The following ZC3H12B variants were observed in gnomAD, a reference collection of about 807,000 sequenced individuals.
The protein encoded by ZC3H12B is zinc finger CCCH-type containing 12B, also known as probable ribonuclease ZC3H12B.
In ZC3H12B, 7 loss-of-function variants were observed where a neutral mutation model predicts 43.9. The ratio of observed to expected loss-of-function variants is 0.16; its 90% confidence interval spans 0.09 to 0.30. The LOEUF is 0.30. ZC3H12B is among the 10% of genes least tolerant of loss of function. The pLI, the probability that ZC3H12B is intolerant of heterozygous loss-of-function variation, is 1.00. For synonymous variants in ZC3H12B, 222 were observed against 241.7 expected (o/e 0.92, Z 0.76); for missense variants, 475 against 670.2 (o/e 0.71, Z 3.22).
At chrX:65,090,736 T>TA in the ZC3H12B span, among the ~76,000 whole-genome samples, 2 of 111,518 alleles carry the variant, frequency 1.8e-5, no homozygotes, top group South Asian at 7.6e-4. Flanking sequence ...TGGGCCCTGT[T>TA]ACAATTTGGA....
intron 4 of ZC3H12B, among the ~76,000 whole-genome samples, chrX:65,500,258 A>G (rs2068346135): frequency 8.9e-6 from 1 of 112,644 alleles, no homozygotes; most frequent in Admixed American, 9.3e-5. Context: ...GTCCTGAACT[A>G]TGTTGCTGGA....
the ZC3H12B span, among the ~76,000 whole-genome samples, chrX:65,251,259 G>T: frequency 1.8e-5 from 2 of 111,169 alleles, no homozygotes; most frequent in Non-Finnish European, 3.8e-5. Context: ...GATGTGTGGC[G>T]TTATTTCTGA....
At chrX:65,088,736 A>T in the ZC3H12B span, among the ~76,000 whole-genome samples, 1 of 111,407 alleles carries the variant, frequency 9.0e-6, no homozygotes, top group African/African-American at 3.3e-5. Flanking sequence ...TCCTTCAGTT[A>T]TTTAAGGATG....
chrX:65,480,002 A>G (rs1173821496), intron 3 of ZC3H12B, among the ~76,000 whole-genome samples: 1 of 112,548 alleles, frequency 8.9e-6, no homozygotes. Context: ...TATGGAGATG[A>G]TATTTCCTGC....
the ZC3H12B span, among the ~76,000 whole-genome samples, chrX:65,119,134 G>A: frequency 2.7e-5 from 3 of 111,537 alleles, no homozygotes; most frequent in African/African-American, 9.8e-5. Flanking sequence ...CTTTCTAGCA[G>A]CATGATTTAT....
At chrX:65,381,527 C>A (rs1279580601) in intron 2 of ZC3H12B, among the ~76,000 whole-genome samples, 1 of 111,082 alleles carries the variant, frequency 9.0e-6, no homozygotes, top group Non-Finnish European at 1.9e-5. Context: ...GACACCCTAA[C>A]ATCACAATTA....
the ZC3H12B span, among the ~76,000 whole-genome samples, chrX:65,052,890 T>C: frequency 8.9e-6 from 1 of 112,092 alleles, no homozygotes; most frequent in African/African-American, 3.2e-5. Context: ...ATTTACTTTT[T>C]TACCATCAGT....
chrX:65,346,893 TCCCTG>T, the ZC3H12B span, among the ~76,000 whole-genome samples: 1 of 112,233 alleles, frequency 8.9e-6, no homozygotes, highest in Non-Finnish European at 1.9e-5. Context: ...GACTTAAACG[TCCCTG>T]CCTGATGACT....
the ZC3H12B span, among the ~76,000 whole-genome samples, chrX:65,319,674 A>G: frequency 9.0e-6 from 1 of 111,440 alleles, no homozygotes. Flanking sequence ...GAAATCCTCA[A>G]CAAAATACTA....
At position 65,378,869 on chromosome X, in the gene ZC3H12B, C is replaced by G. The variant is rs1245298354; in HGVS notation, n.295+9871C>G. On this transcript the variant is annotated intron_variant and non_coding_transcript_variant, in intron 2 of 5. Coordinates refer to the ZC3H12B transcript ENST00000617377. ...ACAGACGGCACCTGGAAAATCGGGT[C>G]ACTCCCACCCTAATACTGCGCTTTT... is the stretch of plus-strand genomic sequence containing the variant. 2.7e-5 allele frequency among the ~76,000 whole-genome samples: 3 copies of G among 112,394 alleles called. No homozygotes were observed. In the Admixed American group the frequency reaches 2.8e-4, roughly 11 times the overall value.
At chrX:65,269,520 G>T in the ZC3H12B span, among the ~76,000 whole-genome samples, 1 of 109,741 alleles carries the variant, frequency 9.1e-6, no homozygotes, top group Non-Finnish European at 1.9e-5. Context: ...TATTTTTTTT[G>T]ACAGGGTTTT....
the ZC3H12B span, among the ~76,000 whole-genome samples, chrX:65,331,778 A>T: frequency 9.0e-6 from 1 of 110,604 alleles, no homozygotes; most frequent in South Asian, 3.8e-4. Context: ...CCCAAAACTG[A>T]GTGTTTCTTC....
At chrX:65,109,895 G>A in the ZC3H12B span, among the ~76,000 whole-genome samples, 3 of 111,428 alleles carry the variant, frequency 2.7e-5, no homozygotes, top group African/African-American at 9.8e-5. Flanking sequence ...ATCCTAGTGG[G>A]CATGAAGTGT....
At chrX:65,290,354 T>C in the ZC3H12B span, among the ~76,000 whole-genome samples, 1 of 110,290 alleles carries the variant, frequency 9.1e-6, no homozygotes, top group Non-Finnish European at 1.9e-5. Context: ...TTGGCAAAGA[T>C]GTGGGGAAAA....
At chrX:65,360,767 G>A in the ZC3H12B span, among the ~76,000 whole-genome samples, 3 of 112,167 alleles carry the variant, frequency 2.7e-5, no homozygotes, top group African/African-American at 9.7e-5. Context: ...AACTTAATTT[G>A]TAAAACTGGA....
chrX:65,158,685 T>C, the ZC3H12B span, among the ~76,000 whole-genome samples: 1 of 111,709 alleles, frequency 9.0e-6, no homozygotes, highest in Non-Finnish European at 1.9e-5. Context: ...CTTTGTCAGA[T>C]GAGTAGGTTA....
chrX:65,153,684 G>T, the ZC3H12B span, among the ~76,000 whole-genome samples: 1 of 112,072 alleles, frequency 8.9e-6, no homozygotes, highest in Admixed American at 9.5e-5. Context: ...ATTCCTCAGG[G>T]ATCTACAACT....
the ZC3H12B span, among the ~76,000 whole-genome samples, chrX:65,066,025 C>G: frequency 9.2e-6 from 1 of 108,197 alleles, no homozygotes; most frequent in African/African-American, 3.4e-5. Flanking sequence ...ACTGGTTATT[C>G]TAGTTAGCAG....
At chrX:65,197,540 A>T in the ZC3H12B span, among the ~76,000 whole-genome samples, 5 of 112,513 alleles carry the variant, frequency 4.4e-5, no homozygotes, top group Non-Finnish European at 7.5e-5. Context: ...ACTAATTAAA[A>T]GCAAACTTTG....
Sources: allele counts gnomAD v4.1 joint callset (sites outside exome capture counted in the v4.1 genomes callset), GRCh38; gene constraint gnomAD v4.1.1; transcripts MANE v1.5; gene names NCBI Gene and HGNC (gene_info 2026-07-23, HGNC 2026-07-21).